Variants in ZNF469 observed in about 807,000 individuals in gnomAD.
ZNF469 encodes the protein zinc finger protein 469.
Under a neutral mutation model 1.0 loss-of-function variants are expected in ZNF469, and 1 was observed. That is an observed-to-expected ratio of 1.00 (90% confidence interval 0.35 to 4.73). The LOEUF (loss-of-function observed/expected upper bound fraction) is 4.73. Among genes scored for constraint, ZNF469 ranks in the 30% most tolerant of loss-of-function variants. The pLI is 0.16. For synonymous variants in ZNF469, 2,703 were observed against 2,363.4 expected, an observed-to-expected ratio of 1.14 and a Z score of -4.17; for missense variants, 6,100 against 5,356.3, an observed-to-expected ratio of 1.14 and a Z score of -4.33.
chr16:88,206,810 G>T, the ZNF469 span, among the ~76,000 whole-genome samples: 4 of 116,182 alleles, frequency 3.4e-5, no homozygotes, highest in South Asian at 1.2e-3. Flanking sequence ...AGGGGAGGCC[G>T]TGGGGACGGA....
the ZNF469 span, among the ~76,000 whole-genome samples, chr16:88,305,556 C>A: frequency 2.7e-3 from 329 of 121,290 alleles, 4 homozygotes; most frequent in African/African-American, 9.9e-3. Context: ...GTGTGCACAC[C>A]CTCACACGTG....
At chr16:88,249,440 T>C in the ZNF469 span, among the ~76,000 whole-genome samples, 10 of 63,652 alleles carry the variant, frequency 1.6e-4, no homozygotes, top group South Asian at 1.0e-3. Context: ...TTTTTTTTTT[T>C]TTTTTTTTTT....
chr16:88,348,770 C>T, the ZNF469 span, among the ~76,000 whole-genome samples: 1 of 152,206 alleles, frequency 6.6e-6, no homozygotes, highest in African/African-American at 2.4e-5. Context: ...GGGACCCCAA[C>T]TCTCCAGGTG....
Position 88,432,145 on chromosome 16 carries a change from G to C in ZNF469, c.4675G>C (p.Glu1559Gln). Residue 1559 changes from glutamate (E) to glutamine (Q), a missense_variant, in exon 3 of 3, where the codon GAG becomes CAG. Physicochemically the swap from Glu to Gln is conservative, Grantham distance 29 (BLOSUM62 2). Transcript: ENST00000565624. The stretch of plus-strand genomic sequence containing the variant: ...CGTTGCTCTTATGAGTCACCTGTCC[G>C]AGGATGAACTGGAGATCCAGAAATT... ...CSVALMSHLS[E>Q]DELEIQKLVT... is the part of the protein sequence containing the mutation. The C allele has an allele frequency of 6.5e-7, 1 of 1,550,334 alleles. No individual in the cohort carries two copies. The highest frequency in any genetic ancestry group is 8.7e-7 in the Non-Finnish European group (1 of 1,146,988).
chr16:88,276,158 G>T, the ZNF469 span, among the ~76,000 whole-genome samples: 2 of 152,204 alleles, frequency 1.3e-5, no homozygotes, highest in African/African-American at 2.4e-5. Context: ...GTGGGGGATG[G>T]GGTGAGAAAA....
the ZNF469 span, among the ~76,000 whole-genome samples, chr16:88,190,899 G>A: frequency 0.013 from 2,034 of 152,322 alleles, 59 homozygotes; most frequent in African/African-American, 0.047. Flanking sequence ...AGGAGTGTCC[G>A]GAGGGAGCCA....
chr16:88,270,963 G>GC, the ZNF469 span, among the ~76,000 whole-genome samples: 1 of 152,230 alleles, frequency 6.6e-6, no homozygotes, highest in Admixed American at 6.5e-5. Flanking sequence ...TGGCATCCAG[G>GC]CTGAGGATTC....
chr16:88,322,647 C>T, the ZNF469 span, among the ~76,000 whole-genome samples: 10 of 152,308 alleles, frequency 6.6e-5, no homozygotes, highest in South Asian at 1.0e-3. Context: ...GTGTGGGACC[C>T]GAGCGACCCC....
the ZNF469 span, among the ~76,000 whole-genome samples, chr16:88,218,786 G>T: frequency 6.6e-6 from 1 of 151,726 alleles, no homozygotes; most frequent in African/African-American, 2.4e-5. Context: ...GGCAGGAGAA[G>T]GAAATAAAAG....
At chr16:88,212,501 T>C in the ZNF469 span, among the ~76,000 whole-genome samples, 2 of 152,238 alleles carry the variant, frequency 1.3e-5, no homozygotes, top group Admixed American at 1.3e-4. Flanking sequence ...GGGTACCTTT[T>C]AATTTAATCT....
chr16:88,252,150 C>G, the ZNF469 span, among the ~76,000 whole-genome samples: 1 of 134,938 alleles, frequency 7.4e-6, no homozygotes, highest in African/African-American at 2.7e-5. Context: ...AGCACACAGA[C>G]CTTGCCCTGT....
the ZNF469 span, among the ~76,000 whole-genome samples, chr16:88,285,912 A>G: frequency 6.6e-6 from 1 of 152,238 alleles, no homozygotes; most frequent in African/African-American, 2.4e-5. Flanking sequence ...AGATGTCTTC[A>G]TCCCTCCATG....
chr16:88,406,345 G>A (rs1905028677), intron 1 of ZNF469, among the ~76,000 whole-genome samples: 1 of 152,210 alleles, frequency 6.6e-6, no homozygotes, highest in African/African-American at 2.4e-5. Context: ...GGATGGCCCT[G>A]TGTATGTGTG....
chr16:88,360,198 T>G, the ZNF469 span, among the ~76,000 whole-genome samples: 1 of 152,026 alleles, frequency 6.6e-6, no homozygotes, highest in Non-Finnish European at 1.5e-5. Flanking sequence ...TTTTGTATTT[T>G]TAGTAGAGAT....
At chr16:88,347,681 C>G in the ZNF469 span, among the ~76,000 whole-genome samples, 1 of 152,236 alleles carries the variant, frequency 6.6e-6, no homozygotes, top group Non-Finnish European at 1.5e-5. Flanking sequence ...GGGCCAGTCT[C>G]CTCCAATCAC....
At chr16:88,272,747 C>A in the ZNF469 span, among the ~76,000 whole-genome samples, 1 of 143,702 alleles carries the variant, frequency 7.0e-6, no homozygotes, top group South Asian at 2.3e-4. Flanking sequence ...GATGGATGAA[C>A]GGGTGGGTGT....
the ZNF469 span, among the ~76,000 whole-genome samples, chr16:88,196,026 C>G: frequency 1.3e-5 from 2 of 152,208 alleles, no homozygotes; most frequent in African/African-American, 2.4e-5. Context: ...CAGGCCACAT[C>G]AGTAATGTTC....
intron 1 of ZNF469, among the ~76,000 whole-genome samples, chr16:88,419,470 C>T (rs1440392163): frequency 2.0e-5 from 3 of 152,188 alleles, no homozygotes; most frequent in African/African-American, 7.2e-5. Context: ...TTCCCCCATT[C>T]GGCCTGGAAG....
the ZNF469 span, among the ~76,000 whole-genome samples, chr16:88,283,758 C>T: frequency 0.045 from 6,839 of 152,232 alleles, 491 homozygotes; most frequent in African/African-American, 0.15. Flanking sequence ...GCTGGTAGAC[C>T]CCGAGTCTGC....
Sources: gnomAD v4.1 joint callset for allele counts (sites outside exome capture counted in the v4.1 genomes callset) on GRCh38, gnomAD v4.1.1 for gene constraint, MANE v1.5 for transcripts, NCBI Gene and HGNC (gene_info 2026-07-23, HGNC 2026-07-21) for gene names.